FRMPD4: variants seen among roughly 807,000 people sequenced by gnomAD.
FRMPD4 encodes FERM and PDZ domain-containing protein 4.
In FRMPD4, 22 loss-of-function variants were observed where a neutral mutation model predicts 94.1. The observed-to-expected ratio is 0.23, with a 90% confidence interval of 0.17 to 0.33. The LOEUF (loss-of-function observed/expected upper bound fraction) is 0.33, where lower values mean the gene tolerates loss of function less well. Among genes scored for constraint, FRMPD4 ranks in the 10% least tolerant of loss-of-function variants. FRMPD4 has a pLI of 1.00. For missense variants in FRMPD4, 1,111 were observed against 1,339.9 expected, an observed-to-expected ratio of 0.83 and a Z score of 2.67; for synonymous variants, 631 against 548.6, an observed-to-expected ratio of 1.15 and a Z score of -2.10.
chrX:12,420,380 T>A (rs1717220106), intron 1 of FRMPD4, among the ~76,000 whole-genome samples: 1 of 112,120 alleles, frequency 8.9e-6, no homozygotes, highest in Non-Finnish European at 1.9e-5. Flanking sequence ...TAGCCTGTTT[T>A]CCACTGTGCC....
At chrX:12,580,298 A>C (rs1282645218) in intron 2 of FRMPD4, among the ~76,000 whole-genome samples, 5 of 111,786 alleles carry the variant, frequency 4.5e-5, no homozygotes, top group Admixed American at 1.9e-4. Flanking sequence ...CCTGCTGGAA[A>C]ATAAAGAGAG....
intron 1 of FRMPD4, among the ~76,000 whole-genome samples, chrX:11,828,782 C>T (rs1236519076): frequency 3.6e-5 from 4 of 112,274 alleles, no homozygotes; most frequent in Non-Finnish European, 5.6e-5. Flanking sequence ...AAAAGAATCT[C>T]ATTATTTAGT....
chrX:12,054,516 C>G (rs1195378502), intron 3 of FRMPD4, among the ~76,000 whole-genome samples: 1 of 111,178 alleles, frequency 9.0e-6, no homozygotes, highest in Non-Finnish European at 1.9e-5. Context: ...TCTCATTACC[C>G]ACATCTTCTC....
intron 3 of FRMPD4, among the ~76,000 whole-genome samples, chrX:12,022,275 A>G (rs2054635754): frequency 8.9e-6 from 1 of 112,548 alleles, no homozygotes; most frequent in Admixed American, 9.4e-5. Flanking sequence ...CTAAAAGGCC[A>G]TCTGCATTTG....
At chrX:12,382,526 CAT>C (rs2056336138) in intron 1 of FRMPD4, among the ~76,000 whole-genome samples, 1 of 54,784 alleles carries the variant, frequency 1.8e-5, no homozygotes, top group Non-Finnish European at 3.5e-5. Context: ...CATAGCATAG[CAT>C]AGAGCATAGC....
chrX:11,962,820 T>G (rs2054290425), intron 3 of FRMPD4, among the ~76,000 whole-genome samples: 1 of 112,076 alleles, frequency 8.9e-6, no homozygotes, highest in Non-Finnish European at 1.9e-5. Context: ...CTGGAAGGGT[T>G]GGTTTTTAGC....
At position 12,241,030 on chromosome X, in the gene FRMPD4, T is replaced by G. The variant is rs1204448562; in HGVS notation, c.41+102018T>G. Among the ~76,000 whole-genome samples, 6 of 112,423 alleles carry G rather than the reference T, an allele frequency of 5.3e-5. No homozygotes were observed. In the East Asian group the frequency reaches 1.7e-3, roughly 31 times the overall value. On this transcript the variant is annotated intron_variant, in intron 1 of 16. Transcript: ENST00000675598. ...ACAGGAATATGGCAATAAGAGATTT[T>G]TATATTACTAAAGGGAGGCCCTTCA...
chrX:12,178,508 C>T (rs1247503927), intron 1 of FRMPD4, among the ~76,000 whole-genome samples: 3 of 105,668 alleles, frequency 2.8e-5, no homozygotes, highest in Admixed American at 9.8e-5. Context: ...GATTGGGTGG[C>T]TCTTGCTTTG....
At chrX:12,539,923 C>T (rs750691726) in intron 2 of FRMPD4, among the ~76,000 whole-genome samples, 4 of 112,006 alleles carry the variant, frequency 3.6e-5, no homozygotes, top group Admixed American at 9.5e-5. Flanking sequence ...CATGAGCCAC[C>T]GCGCCCAGCT....
intron 2 of FRMPD4, among the ~76,000 whole-genome samples, chrX:12,594,088 A>G (rs5978554): frequency 9.2e-6 from 1 of 109,217 alleles, no homozygotes; most frequent in East Asian, 2.9e-4. Context: ...CAAGTTCTTT[A>G]TTGTGTATAT....
intron 3 of FRMPD4, among the ~76,000 whole-genome samples, chrX:12,034,070 A>G (rs2147436071): frequency 8.9e-6 from 1 of 112,681 alleles, no homozygotes; most frequent in South Asian, 3.6e-4. Context: ...AAGAGGCCGT[A>G]GATTTATTTC....
rs968304698 is a variant in FRMPD4, at chrX:12,517,344, A to G, written c.158+18548A>G. Among the ~76,000 whole-genome samples, 3 of 91,560 alleles carry G rather than the reference A, an allele frequency of 3.3e-5. No individual in the cohort carries two copies. The East Asian group carries it at 9.9e-4, about 30-fold the overall frequency. The allele number at this position is 91,560 out of a possible 115,157, so 79.5% of individuals were successfully genotyped here. A position where few individuals can be genotyped will look rare whatever the true frequency, so the allele number is the denominator to read the frequency against. On this transcript the variant is annotated intron_variant, in intron 2 of 16. Coordinates refer to ENST00000675598, the MANE Select transcript of FRMPD4 (RefSeq NM_001368397.1). ...CGTTCTAATCTTCATGAGTTTATCTAGCTTCAATCTTTGAGGCTGCTGACT... is the reference window on the plus strand; with the variant it reads ...CGTTCTAATCTTCATGAGTTTATCTGGCTTCAATCTTTGAGGCTGCTGACT...
chrX:12,232,764 T>TTA (rs1486283893), intron 1 of FRMPD4, among the ~76,000 whole-genome samples: 1 of 111,795 alleles, frequency 8.9e-6, no homozygotes, highest in African/African-American at 3.3e-5. Context: ...GTAGCAGTAT[T>TTA]TATACTTACG....
chrX:12,484,731 TAACTC>T, intron 1 of FRMPD4, among the ~76,000 whole-genome samples: 1 of 111,998 alleles, frequency 8.9e-6, no homozygotes, highest in East Asian at 2.8e-4. Flanking sequence ...GCACATGACT[TAACTC>T]AAATGAGTAA....
In FRMPD4 at chrX:12,582,780, C is replaced by G. The variant is rs757101863; in HGVS notation, c.159-26941C>G. Reference sequence around the variant, plus strand: ...AGGCAAAGCAGCCCAGTGCTGTCAGCCAACCAAGAGACACAGGTGCTGGCT... The same window carrying G: ...AGGCAAAGCAGCCCAGTGCTGTCAGGCAACCAAGAGACACAGGTGCTGGCT... On this transcript the variant is annotated intron_variant, in intron 2 of 16. Coordinates refer to ENST00000675598, the MANE Select transcript of FRMPD4 (RefSeq NM_001368397.1). 1.4e-4 allele frequency among the ~76,000 whole-genome samples: 16 copies of G among 112,086 alleles called. No individual in the cohort carries two copies. In the South Asian group the frequency reaches 6.0e-3, roughly 42 times the overall value.
intron 11 of FRMPD4, among the ~76,000 whole-genome samples, chrX:12,706,027 T>G (rs2147147018): frequency 8.9e-6 from 1 of 112,060 alleles, no homozygotes; most frequent in East Asian, 2.8e-4. Flanking sequence ...GGTCTACACC[T>G]TGTTGGAAAA....
At chrX:12,661,734 C>A (rs958469223) in intron 4 of FRMPD4, among the ~76,000 whole-genome samples, 3 of 111,834 alleles carry the variant, frequency 2.7e-5, no homozygotes, top group African/African-American at 9.8e-5. Context: ...TGGACATTTC[C>A]ACTCTCTCCA....
intron 3 of FRMPD4, among the ~76,000 whole-genome samples, chrX:11,943,692 A>T (rs1157798207): frequency 1.8e-5 from 2 of 112,051 alleles, no homozygotes; most frequent in East Asian, 5.6e-4. Flanking sequence ...ATTGTGGATT[A>T]TTTCCAACAA....
chrX:12,600,047 T>A (rs1209397955), intron 2 of FRMPD4, among the ~76,000 whole-genome samples: 1 of 111,539 alleles, frequency 9.0e-6, no homozygotes, highest in Non-Finnish European at 1.9e-5. Context: ...TTTTTGAACA[T>A]CTTGGTTTAA....
Sources: gnomAD v4.1 joint callset for allele counts (sites outside exome capture counted in the v4.1 genomes callset) on GRCh38, gnomAD v4.1.1 for gene constraint, MANE v1.5 for transcripts, NCBI Gene and HGNC (gene_info 2026-07-23, HGNC 2026-07-21) for gene names.